The following DNAAF9 variants were observed in gnomAD, a reference collection of about 807,000 sequenced individuals.
The protein encoded by DNAAF9 is shulin.
DNAAF9 carries 90 observed loss-of-function variants against 167.0 expected under a neutral mutation model. The observed-to-expected ratio is 0.54, with a 90% CI of 0.45 to 0.64. The LOEUF is 0.64. DNAAF9 is among the 30% of genes least tolerant of loss of function. DNAAF9 has a pLI of 0.00. For synonymous variants in DNAAF9, 491 were observed against 508.8 expected (o/e 0.96, Z 0.47); for missense variants, 1,315 against 1,442.2 (o/e 0.91, Z 1.43).
chr20:3,258,846 G>C (rs2068328414), intron 33 of DNAAF9, among the ~76,000 whole-genome samples: 1 of 152,146 alleles, frequency 6.6e-6, no homozygotes. Flanking sequence ...CCTACTCCCA[G>C]GCTCCAGTTA....
rs759711156 is a variant in DNAAF9, at chr20:3,376,152, G to A, written c.408+26C>T. Reference sequence around the variant, plus strand: ...AAGAGTATTCTTAGAGTGTCTCTAGGTGCCTGTCTTCTCTTTTCTTCTTAC... The same window carrying A: ...AAGAGTATTCTTAGAGTGTCTCTAGATGCCTGTCTTCTCTTTTCTTCTTAC... On this transcript the variant is annotated intron_variant, in intron 4 of 36. Coordinates refer to ENST00000252032, the MANE Select transcript of DNAAF9 (RefSeq NM_001009984.3). The A allele has an allele frequency of 5.6e-6, 9 of 1,606,054 alleles. No individual in the cohort carries two copies. In the Middle Eastern group the frequency reaches 1.0e-3, roughly 178 times the overall value.
chr20:3,333,790 A>G (rs6115855), intron 10 of DNAAF9, among the ~76,000 whole-genome samples: 74,669 of 152,004 alleles, frequency 0.49, 18,495 homozygotes, highest in Middle Eastern at 0.64. Context: ...ACTTGTGTAC[A>G]CTTGAGTACG....
intron 7 of DNAAF9, among the ~76,000 whole-genome samples, chr20:3,353,108 GATATATATAAC>G (rs2070357597): frequency 2.0e-5 from 3 of 148,126 alleles, no homozygotes; most frequent in South Asian, 2.1e-4. Context: ...AATATATACA[GATATATATAAC>G]ATATATATAA....
At chr20:3,368,489 A>T in intron 6 of DNAAF9, among the ~76,000 whole-genome samples, 1 of 147,224 alleles carries the variant, frequency 6.8e-6, no homozygotes. Context: ...TTTTTTGGCC[A>T]AACTTACTGA....
intron 7 of DNAAF9, among the ~76,000 whole-genome samples, chr20:3,357,739 T>G (rs1408088171): frequency 6.6e-6 from 1 of 152,186 alleles, no homozygotes; most frequent in East Asian, 1.9e-4. Context: ...TTGCCCGGGC[T>G]GGAGTGTGGA....
At chr20:3,319,968 G>A (rs966685173) in intron 16 of DNAAF9, among the ~76,000 whole-genome samples, 1 of 152,150 alleles carries the variant, frequency 6.6e-6, no homozygotes, top group Non-Finnish European at 1.5e-5. Flanking sequence ...TATGTCTTTG[G>A]TTCCCAGACC....
chr20:3,338,276 A>G (rs2070005534), intron 10 of DNAAF9, among the ~76,000 whole-genome samples: 1 of 152,064 alleles, frequency 6.6e-6, no homozygotes, highest in Non-Finnish European at 1.5e-5. Context: ...TTCATTCAAC[A>G]CTTTAAAATA....
At position 3,294,635 on chromosome 20, in the gene DNAAF9, A is replaced by G. The variant is rs1171878556; in HGVS notation, c.2019-6T>C. 5.0e-6 allele frequency: 8 copies of G among 1,584,396 alleles called. No individual in the cohort carries two copies. The highest frequency in any genetic ancestry group is 2.2e-5 in the East Asian group (1 of 44,742). ...GCTTCTGTGCACTGGAGTGCCTGGA[A>G]TAACAAAAGCTCACAGATTAGAAGT... On this transcript the variant is annotated splice_region_variant and splice_polypyrimidine_tract_variant and intron_variant, in intron 23 of 36. Coordinates refer to ENST00000252032, the MANE Select transcript of DNAAF9 (RefSeq NM_001009984.3).
At chr20:3,280,812 C>T (rs189046549) in intron 28 of DNAAF9, among the ~76,000 whole-genome samples, 6 of 151,894 alleles carry the variant, frequency 4.0e-5, no homozygotes, top group Admixed American at 3.3e-4. Flanking sequence ...CAGGGTCTCA[C>T]TATGCTACCC....
Position 3,348,405 on chromosome 20 carries a change from C to T in DNAAF9, c.789+120G>A, listed in dbSNP as rs2070239305. On this transcript the variant is annotated intron_variant, in intron 8 of 36. Transcript: ENST00000252032. Reference sequence around the variant, plus strand: ...AACTACTTTATGGTATACAACACAGCTTAAAGAAATGACAAATTAGAATTG... The same window carrying T: ...AACTACTTTATGGTATACAACACAGTTTAAAGAAATGACAAATTAGAATTG... 6.0e-5 allele frequency: 32 copies of T among 536,890 alleles called. No homozygotes were observed. In the East Asian group the frequency reaches 8.7e-4, roughly 15 times the overall value. 33.3% of individuals were successfully genotyped at this position (536,890 alleles called of 1,614,324 possible).
At chr20:3,331,791 A>G (rs1305626146) in intron 11 of DNAAF9, among the ~76,000 whole-genome samples, 1 of 152,198 alleles carries the variant, frequency 6.6e-6, no homozygotes, top group Non-Finnish European at 1.5e-5. Flanking sequence ...ATGGTGTCTC[A>G]GCCTCCTGAG....
intron 20 of DNAAF9, among the ~76,000 whole-genome samples, chr20:3,313,430 G>T (rs562580185): frequency 1.3e-5 from 2 of 152,304 alleles, no homozygotes; most frequent in East Asian, 3.9e-4. Context: ...ATTTGCCACC[G>T]GATAGAATAT....
At chr20:3,318,089 A>C (rs1047033686) in intron 17 of DNAAF9, among the ~76,000 whole-genome samples, 200 bp downstream of exon 17, 2 of 144,066 alleles carry the variant, frequency 1.4e-5, no homozygotes, top group Non-Finnish European at 3.0e-5. Flanking sequence ...CCCTTTGTTC[A>C]TCTTTAATGT....
intron 35 of DNAAF9, 26 bp from the exon 36 acceptor site, chr20:3,253,845 A>C: frequency 8.0e-7 from 1 of 1,243,476 alleles, no homozygotes; most frequent in South Asian, 1.2e-5. Context: ...GACCTGTAAT[A>C]ATTATCTGAC....
intron 2 of DNAAF9, 22 bp downstream of exon 2, chr20:3,382,405 C>T (rs2083668100): frequency 6.3e-7 from 1 of 1,599,714 alleles, no homozygotes; most frequent in East Asian, 2.2e-5. Context: ...GCCCTGAGTC[C>T]CACCTTGTTA....
intron 1 of DNAAF9, among the ~76,000 whole-genome samples, chr20:3,383,069 ACAGCC>A (rs1296644016): frequency 1.3e-5 from 2 of 152,010 alleles, no homozygotes; most frequent in African/African-American, 4.8e-5. Flanking sequence ...AGCCCTAGGG[ACAGCC>A]GTTTGCTCAA....
chr20:3,350,943 G>A (rs965512544), intron 7 of DNAAF9, among the ~76,000 whole-genome samples: 3 of 152,052 alleles, frequency 2.0e-5, no homozygotes, highest in African/African-American at 7.2e-5. Flanking sequence ...ACACCATTGT[G>A]CAATGGTGAA....
intron 21 of DNAAF9, among the ~76,000 whole-genome samples, chr20:3,303,368 T>G (rs2069227892): frequency 6.6e-6 from 1 of 152,210 alleles, no homozygotes; most frequent in Admixed American, 6.5e-5. Context: ...ATTTTTATAT[T>G]CTATTTGTGA....
At chr20:3,262,248 CTTTT>C (rs953323176) in intron 31 of DNAAF9, among the ~76,000 whole-genome samples, 3 of 131,636 alleles carry the variant, frequency 2.3e-5, no homozygotes. Context: ...AGTTCACATT[CTTTT>C]TTTTTTTTTT....
Sources: allele counts gnomAD v4.1 joint callset (sites outside exome capture counted in the v4.1 genomes callset), GRCh38; gene constraint gnomAD v4.1.1; transcripts MANE v1.5; gene names NCBI Gene and HGNC (gene_info 2026-07-23, HGNC 2026-07-21).